The following DDHD1 variants were observed in gnomAD, a reference collection of about 807,000 sequenced individuals.
The protein encoded by DDHD1 is DDHD domain containing 1, also known as phospholipase DDHD1.
A neutral mutation model predicts 96.4 loss-of-function variants in DDHD1; 49 were observed. The ratio of observed to expected loss-of-function variants is 0.51; its 90% confidence interval spans 0.40 to 0.64. The LOEUF (loss-of-function observed/expected upper bound fraction) is 0.64. Ranked by LOEUF, DDHD1 falls within the 30% of genes least tolerant of loss-of-function variation. The pLI is 0.00. For missense variants in DDHD1, 1,106 were observed against 1,161.2 expected (o/e 0.95, Z 0.69); for synonymous variants, 442 against 446.5 (o/e 0.99, Z 0.13).
At chr14:53,105,843 G>A (rs995314235) in intron 1 of DDHD1, among the ~76,000 whole-genome samples, 5 of 151,866 alleles carry the variant, frequency 3.3e-5, no homozygotes, top group African/African-American at 9.7e-5. Context: ...TTATTCATAC[G>A]TATTCTTTTT....
intron 10 of DDHD1, 41 bp downstream of exon 10, chr14:53,055,619 G>C: frequency 1.3e-6 from 2 of 1,590,240 alleles, no homozygotes; most frequent in Admixed American, 1.7e-5. Context: ...GTCTAGGAAA[G>C]TGCTTATATG....
chr14:53,118,288 G>A (rs1285804948), intron 1 of DDHD1, among the ~76,000 whole-genome samples: 2 of 152,154 alleles, frequency 1.3e-5, no homozygotes, highest in African/African-American at 2.4e-5. Flanking sequence ...CACCAGCAAG[G>A]GAACAAAACT....
At chr14:53,089,613 T>C (rs971218461) in intron 4 of DDHD1, among the ~76,000 whole-genome samples, 2 of 152,216 alleles carry the variant, frequency 1.3e-5, no homozygotes, top group African/African-American at 2.4e-5. Context: ...GCTAGCCATA[T>C]GTAGAAACTG....
intron 10 of DDHD1, among the ~76,000 whole-genome samples, chr14:53,055,393 C>A (rs1882956117): frequency 6.6e-6 from 1 of 152,118 alleles, no homozygotes; most frequent in African/African-American, 2.4e-5. Context: ...AGTGGTAGGA[C>A]CAAGATTAAA....
intron 4 of DDHD1, among the ~76,000 whole-genome samples, chr14:53,075,079 T>C (rs1884844670): frequency 6.6e-6 from 1 of 152,076 alleles, no homozygotes; most frequent in Admixed American, 6.6e-5. Flanking sequence ...ACAACAATAT[T>C]GAGATTAGGG....
At chr14:53,051,782 G>A in intron 12 of DDHD1, 62 bp downstream of exon 12, 1 of 1,362,924 alleles carries the variant, frequency 7.3e-7, no homozygotes, top group Non-Finnish European at 1.0e-6. Context: ...TCAATAAGCA[G>A]AAGAACTCTA....
rs1595081444 is a variant in DDHD1 at position 53,049,956 on chromosome 14, G to C, written c.2521+1888C>G. Among the ~76,000 whole-genome samples the C allele has an allele frequency of 2.0e-5, 3 of 152,284 alleles. No individual in the cohort carries two copies. The East Asian group carries it at 5.8e-4, about 29-fold the overall frequency. On this transcript the variant is annotated intron_variant, in intron 12 of 12. Coordinates refer to ENST00000673822, the MANE Select transcript of DDHD1 (RefSeq NM_001160148.2). The stretch of plus-strand genomic sequence containing the variant: ...CATGTGGAAGTGCTTGACAATCAAG[G>C]AATCTCCATAGTGTGAAGGTCAAGT...
intron 6 of DDHD1, among the ~76,000 whole-genome samples, chr14:53,063,677 T>C (rs1466242860): frequency 6.6e-6 from 1 of 152,120 alleles, no homozygotes; most frequent in Admixed American, 6.5e-5. Flanking sequence ...TAAATTATTG[T>C]GCATTTAGAT....
chr14:53,112,430 A>T (rs1888181253), intron 1 of DDHD1, among the ~76,000 whole-genome samples: 1 of 152,054 alleles, frequency 6.6e-6, no homozygotes, highest in African/African-American at 2.4e-5. Context: ...AAAAAAAAAA[A>T]GTTACACAGT....
intron 8 of DDHD1, among the ~76,000 whole-genome samples, chr14:53,059,911 T>C (rs1477927318): frequency 8.0e-6 from 1 of 125,436 alleles, no homozygotes; most frequent in African/African-American, 3.1e-5. Context: ...AGAGATGAAA[T>C]GCAAATTCTA....
intron 6 of DDHD1, among the ~76,000 whole-genome samples, chr14:53,065,196 G>A (rs183531905): frequency 6.6e-6 from 1 of 152,164 alleles, no homozygotes; most frequent in African/African-American, 2.4e-5. Context: ...GGAAATGAAC[G>A]TAAGGAGGAA....
In DDHD1 at chr14:53,063,298, A is replaced by T; in HGVS notation, c.1504-93T>A. On this transcript the variant is annotated intron_variant, in intron 6 of 12. Coordinates refer to ENST00000673822, the MANE Select transcript of DDHD1 (RefSeq NM_001160148.2). ...CAAATACATTAAGGTAGAAAAACAT[A>T]CATTACCGATCAAATATACCTAGGT... is the stretch of plus-strand genomic sequence containing the variant. 8 of 1,393,504 alleles carry T rather than the reference A, an allele frequency of 5.7e-6. No individual in the cohort carries two copies. The South Asian group carries it at 1.1e-4, about 20-fold the overall frequency. 86.3% of individuals were successfully genotyped at this position (1,393,504 alleles called of 1,614,324 possible).
chr14:53,066,364 C>T (rs1884015362), intron 6 of DDHD1, among the ~76,000 whole-genome samples: 2 of 151,818 alleles, frequency 1.3e-5, no homozygotes, highest in Non-Finnish European at 2.9e-5. Flanking sequence ...GTTGGTTGGG[C>T]TGGTCTCGAA....
At chr14:53,058,700 A>C in intron 8 of DDHD1, 74 bp from the exon 9 acceptor site, 1 of 1,296,470 alleles carries the variant, frequency 7.7e-7, no homozygotes, top group South Asian at 1.4e-5. Flanking sequence ...GGCATAACGT[A>C]ATATATGGCA....
chr14:53,051,798 A>T, intron 12 of DDHD1, 46 bp downstream of exon 12: 1 of 1,466,156 alleles, frequency 6.8e-7, no homozygotes, highest in Non-Finnish European at 9.3e-7. Context: ...CTCTAAGTAG[A>T]TCATTTTTAT....
At chr14:53,082,643 C>T (rs1885587937) in intron 4 of DDHD1, among the ~76,000 whole-genome samples, 1 of 151,102 alleles carries the variant, frequency 6.6e-6, no homozygotes, top group Non-Finnish European at 1.5e-5. Context: ...ACTGTAGTTC[C>T]AGCTACTAGG....
At chr14:53,084,590 G>C (rs1885765258) in intron 4 of DDHD1, among the ~76,000 whole-genome samples, 2 of 152,218 alleles carry the variant, frequency 1.3e-5, no homozygotes, top group South Asian at 4.1e-4. Flanking sequence ...ACATTGAAAA[G>C]GATCAAGGTT....
chr14:53,086,295 C>A (rs1276520579), intron 4 of DDHD1, among the ~76,000 whole-genome samples: 1 of 152,124 alleles, frequency 6.6e-6, no homozygotes, highest in Non-Finnish European at 1.5e-5. Flanking sequence ...TCAGGAAATA[C>A]AGAGAACACC....
intron 2 of DDHD1, chr14:53,103,132 A>T (rs1887435081): frequency 7.1e-7 from 1 of 1,411,478 alleles, no homozygotes; most frequent in Non-Finnish European, 9.7e-7. Flanking sequence ...CACACAATGA[A>T]AATGTGGCAA....
Sources: allele counts gnomAD v4.1 joint callset (sites outside exome capture counted in the v4.1 genomes callset), GRCh38; gene constraint gnomAD v4.1.1; transcripts MANE v1.5; gene names NCBI Gene and HGNC (gene_info 2026-07-23, HGNC 2026-07-21).